Variants in CARD14 observed in about 807,000 individuals in gnomAD.
CARD14 encodes caspase recruitment domain family member 14.
CARD14 carries 107 observed loss-of-function variants against 111.5 expected under a neutral mutation model. That is an observed-to-expected ratio of 0.96 (90% CI 0.82 to 1.13). The LOEUF (loss-of-function observed/expected upper bound fraction) is 1.13, where lower values mean the gene tolerates loss of function less well. Among genes scored for constraint, CARD14 ranks in the 50% most tolerant of loss-of-function variants. CARD14 has a pLI of 0.00. For synonymous variants in CARD14, 617 were observed against 579.6 expected (o/e 1.06, Z -0.93); for missense variants, 1,322 against 1,362.3 (o/e 0.97, Z 0.47).
At position 80,195,486 on chromosome 17, in the gene CARD14, A is replaced by G; in HGVS notation, c.1500-72A>G. The G allele has an allele frequency of 6.6e-7, 1 of 1,521,888 alleles. No homozygotes were observed. The highest frequency in any genetic ancestry group is 8.9e-7 in the Non-Finnish European group (1 of 1,125,224). 94.3% of individuals were successfully genotyped at this position (1,521,888 alleles called of 1,614,324 possible). A position where few individuals can be genotyped will look rare whatever the true frequency, so the allele number is the denominator to read the frequency against. On this transcript the variant is annotated intron_variant, in intron 13 of 23. Coordinates refer to ENST00000648509, the MANE Select transcript of CARD14 (RefSeq NM_001366385.1). This position sits in a 1 kb window ranked among gnomAD's most constrained non-coding sequence, Gnocchi z 4.7. ...CCAGAGCTGGCAGGTGCTGGGGGCC[A>G]GTGCTTGGGGCGTGGGGACTCAGAG... is the stretch of plus-strand genomic sequence containing the variant.
rs759246881 is a variant in CARD14 at position 80,202,433 on chromosome 17, C to G, written c.2219+13C>G. 5 of 1,607,118 alleles carry G rather than the reference C, an allele frequency of 3.1e-6. No homozygotes were observed. In the African/African-American group the frequency reaches 5.3e-5, roughly 17 times the overall value. ...CCAACTACTCCAGGTGAGCAGCTGC[C>G]TCGAGCTCGGTGCGTCCCCAGAGAG... On this transcript the variant is annotated intron_variant, in intron 18 of 23. Transcript: ENST00000648509.
chr17:80,202,177 CA>C lies in CARD14; in HGVS notation c.1979-2del. 1.9e-6 allele frequency: 3 copies of C among 1,606,300 alleles called. No individual in the cohort carries two copies. The East Asian group carries it at 6.7e-5, about 36-fold the overall frequency. The stretch of plus-strand genomic sequence containing the variant: ...ATCTGTGGCTCATGTCCCCTTTTAT[CA>C]GGTTATAAGAGGCTACTCCAGGACC... On this transcript the variant is annotated splice_acceptor_variant, in intron 17 of 23. Coordinates refer to ENST00000648509, the MANE Select transcript of CARD14 (RefSeq NM_001366385.1). LOFTEE classifies it high-confidence loss of function.
rs1412700852 is a variant in CARD14, at chr17:80,189,902, C to T, written c.963+30C>T. 6.3e-7 allele frequency: 1 copy of T among 1,587,674 alleles called. No individual in the cohort carries two copies. The highest frequency in any genetic ancestry group is 2.4e-5 in the East Asian group (1 of 42,280). Reference sequence around the variant, plus strand: ...CGTGTGAGCCCTTCCTCCCTTGTGACTCTCCTGGGGCTTGTCTCAGGGGTG... The same window carrying T: ...CGTGTGAGCCCTTCCTCCCTTGTGATTCTCCTGGGGCTTGTCTCAGGGGTG... On this transcript the variant is annotated intron_variant, in intron 9 of 23. Coordinates refer to ENST00000648509, the MANE Select transcript of CARD14 (RefSeq NM_001366385.1). The surrounding 1 kb of genome is among the most constrained non-coding windows in gnomAD (Gnocchi z 4.7).
At chr17:80,176,642 C>T (rs1019100207) in intron 2 of CARD14, among the ~76,000 whole-genome samples, 7 of 152,170 alleles carry the variant, frequency 4.6e-5, no homozygotes, top group Admixed American at 1.3e-4. Flanking sequence ...GAAGACCCCT[C>T]GGTGATGCAG....
rs189589411 is a variant in CARD14 at position 80,199,808 on chromosome 17, G to A, written c.1851+1217G>A. The stretch of plus-strand genomic sequence containing the variant: ...GGAGAATCACTTGAACCTGGGAGGC[G>A]GAGGTTGCAGTGAGCTGAGATGGTG... On this transcript the variant is annotated intron_variant, in intron 16 of 23. Transcript: ENST00000648509. Among the ~76,000 whole-genome samples the A allele has an allele frequency of 8.2e-3, 1,237 of 150,158 alleles. 19 individuals carry two copies. The highest frequency in any genetic ancestry group is 0.029 in the African/African-American group (1,176 of 40,846).
chr17:80,177,549 G>T (rs779353545), intron 2 of CARD14, among the ~76,000 whole-genome samples: 1 of 152,068 alleles, frequency 6.6e-6, no homozygotes, highest in Non-Finnish European at 1.5e-5. Flanking sequence ...TAAAGAATTA[G>T]CTGGGCATGG....
In CARD14 at chr17:80,195,693, C is replaced by A; in HGVS notation, c.1594+41C>A. ...CCTGAACCTCCACAGCAGTCCACCT[C>A]CCCTGGGCAGAGCAGGGAGCTGATG... On this transcript the variant is annotated intron_variant, in intron 14 of 23. Transcript: ENST00000648509. This position sits in a 1 kb window ranked among gnomAD's most constrained non-coding sequence, Gnocchi z 4.7. 1 of 1,538,412 alleles carries A rather than the reference C, an allele frequency of 6.5e-7. No homozygotes were observed. The highest frequency in any genetic ancestry group is 1.4e-5 in the African/African-American group (1 of 73,290).
At chr17:80,193,977 A>G (rs867305992) in intron 12 of CARD14, among the ~76,000 whole-genome samples, 1 of 151,982 alleles carries the variant, frequency 6.6e-6, no homozygotes, top group Middle Eastern at 3.2e-3. Context: ...AGAACACACC[A>G]TCCTCATTCA....
Position 80,203,937 on chromosome 17 carries a change from G to T in CARD14, c.2283+52G>T, listed in dbSNP as rs907479920. On this transcript the variant is annotated intron_variant, in intron 19 of 23. Coordinates refer to ENST00000648509, the MANE Select transcript of CARD14 (RefSeq NM_001366385.1). The surrounding 1 kb of genome is among the most constrained non-coding windows in gnomAD (Gnocchi z 4.6). Reference sequence around the variant, plus strand: ...CCCACTGGGGTGGGCTGGAAGAGGGGCTCGGTGCTGGCAGGGTGGCAGGAG... The same window carrying T: ...CCCACTGGGGTGGGCTGGAAGAGGGTCTCGGTGCTGGCAGGGTGGCAGGAG... 1.4e-6 allele frequency: 2 copies of T among 1,441,850 alleles called. No individual in the cohort carries two copies. Among genetic ancestry groups the T allele is most frequent in the African/African-American group, 1.4e-5 (1 of 70,850 alleles). The allele number at this position is 1,441,850 out of a possible 1,614,324, so 89.3% of individuals were successfully genotyped here.
intron 23 of CARD14, 90 bp from the exon 24 acceptor site, chr17:80,208,048 T>G: frequency 1.0e-6 from 1 of 957,848 alleles, no homozygotes; most frequent in East Asian, 2.7e-5. Flanking sequence ...TGTTTAGGGG[T>G]GTTTGGGTGC....
chr17:80,207,107 G>C (rs764214711), intron 23 of CARD14, 22 bp downstream of exon 23: 5 of 1,580,268 alleles, frequency 3.2e-6, no homozygotes. Flanking sequence ...CTGGGGGCTG[G>C]GCAGGGGCTT....
chr17:80,205,311 C>G, intron 21 of CARD14, 106 bp downstream of exon 21: 1 of 1,195,856 alleles, frequency 8.4e-7, no homozygotes. Context: ...CCCTCCCCCA[C>G]CACGCACATT....
intron 20 of CARD14, chr17:80,204,765 C>T (rs777138941): frequency 1.7e-4 from 79 of 462,356 alleles, no homozygotes; most frequent in Non-Finnish European, 2.9e-4. Flanking sequence ...CGCCATCCTC[C>T]CTTGGGCCTA....
intron 10 of CARD14, 142 bp downstream of exon 10, chr17:80,191,041 A>G (rs1268294985): frequency 1.3e-5 from 16 of 1,186,712 alleles, no homozygotes; most frequent in Middle Eastern, 2.9e-4. Context: ...GTCCACACGA[A>G]GTTTCTTCAC....
rs2040312694 is a variant in CARD14 at position 80,185,374 on chromosome 17, T to TTTG, written c.675+1142_675+1144dup. ...CAGCGCTTTGCCTTTAATCATGACA[T>TTTG]TTGTTGTTTGTTTTTAATTTTTTAC... On this transcript the variant is annotated intron_variant, in intron 7 of 23. Coordinates refer to ENST00000648509, the MANE Select transcript of CARD14 (RefSeq NM_001366385.1). Among the ~76,000 whole-genome samples the TTTG allele has an allele frequency of 2.0e-5, 3 of 152,174 alleles. No individual in the cohort carries two copies. The South Asian group carries it at 6.2e-4, about 32-fold the overall frequency.
At position 80,208,267 on chromosome 17, in the gene CARD14, C is replaced by T. The variant is rs957038309; in HGVS notation, c.2937C>T (p.Asp979=). The change falls in exon 24 of 24, where the codon GAC becomes GAT. Residue 979 remains aspartate (D), a synonymous_variant. Coordinates refer to ENST00000648509, the MANE Select transcript of CARD14 (RefSeq NM_001366385.1). ...SLAPDGWSDL[D]GLLSCVRQAI... ...CTCCTGACGGCTGGAGCGACCTGGACGGCCTGCTCAGCTGTGTCCGCCAGG... is the reference window on the plus strand; with the variant it reads ...CTCCTGACGGCTGGAGCGACCTGGATGGCCTGCTCAGCTGTGTCCGCCAGG... 6.9e-6 allele frequency: 11 copies of T among 1,593,686 alleles called. No individual in the cohort carries two copies. Among genetic ancestry groups the T allele is most frequent in the Admixed American group, 3.6e-5 (2 of 56,216 alleles).
rs1567907372 is a variant in CARD14 at position 80,207,105 on chromosome 17, T to C, written c.2807+20T>C. ...GCTCAAGTAGGTGCACGCTGGGGGC[T>C]GGGCAGGGGCTTCGAAGCGGCTCCT... On this transcript the variant is annotated intron_variant, in intron 23 of 23. Coordinates refer to ENST00000648509, the MANE Select transcript of CARD14 (RefSeq NM_001366385.1). The C allele has an allele frequency of 6.3e-7, 1 of 1,583,008 alleles. No individual in the cohort carries two copies. The highest frequency in any genetic ancestry group is 1.1e-5 in the South Asian group (1 of 90,404).
Position 80,195,232 on chromosome 17 carries a change from G to A in CARD14, c.1398G>A (p.Glu466=). ...ACCTGAGTGCCACGTCCAGCCGCGA[G>A]CTGGTGGACAGCTTCCGCTCCAGCA... is the stretch of plus-strand genomic sequence containing the variant. The part of the protein sequence containing the change: ...LSDLSATSSR[E]LVDSFRSSSP... Residue 466 remains glutamate, a synonymous_variant, in exon 13 of 24, where the codon GAG becomes GAA. Coordinates refer to ENST00000648509, the MANE Select transcript of CARD14 (RefSeq NM_001366385.1). This position sits in a 1 kb window ranked among gnomAD's most constrained non-coding sequence, Gnocchi z 4.7. The A allele has an allele frequency of 6.2e-7, 1 of 1,611,844 alleles. No homozygotes were observed. The highest frequency in any genetic ancestry group is 8.5e-7 in the Non-Finnish European group (1 of 1,179,498).
chr17:80,170,519 C>G (rs186992989), intron 1 of CARD14: 1 of 152,244 alleles, frequency 6.6e-6, no homozygotes, highest in Non-Finnish European at 1.5e-5. Flanking sequence ...GCTTGTGACC[C>G]TCTGCCCCCC....
Sources: allele counts gnomAD v4.1 joint callset (sites outside exome capture counted in the v4.1 genomes callset), GRCh38; gene constraint gnomAD v4.1.1; non-coding constraint Gnocchi (gnomAD v3.1); transcripts MANE v1.5; gene names NCBI Gene and HGNC (gene_info 2026-07-23, HGNC 2026-07-21).